Variants in SLIT1 observed in about 807,000 individuals in gnomAD.
SLIT1 encodes slit guidance ligand 1.
Under a neutral mutation model 186.1 loss-of-function variants are expected in SLIT1, and 66 were observed. The observed-to-expected ratio is 0.35, with a 90% CI of 0.29 to 0.44. The LOEUF is 0.44. SLIT1 is among the 20% of genes least tolerant of loss of function. The pLI is 1.00. For missense variants in SLIT1, 1,638 were observed against 2,037.4 expected, an observed-to-expected ratio of 0.80 and a Z score of 3.77; for synonymous variants, 761 against 833.8, an observed-to-expected ratio of 0.91 and a Z score of 1.50.
At chr10:97,079,549 T>C (rs1849082822) in intron 4 of SLIT1, among the ~76,000 whole-genome samples, 1 of 152,156 alleles carries the variant, frequency 6.6e-6, no homozygotes, top group Non-Finnish European at 1.5e-5. Context: ...AGGAGACAAA[T>C]GCAGAAAAAA....
intron 4 of SLIT1, among the ~76,000 whole-genome samples, chr10:97,111,255 C>A (rs1849461749): frequency 6.6e-6 from 1 of 151,614 alleles, no homozygotes; most frequent in South Asian, 2.1e-4. Context: ...CATCTGAAGG[C>A]AAAAAGGGAC....
chr10:97,036,977 A>C (rs925472252), intron 22 of SLIT1, among the ~76,000 whole-genome samples: 1 of 151,948 alleles, frequency 6.6e-6, no homozygotes, highest in East Asian at 1.9e-4. Context: ...GCTGAGCTGG[A>C]CCGAGAAGCT....
intron 22 of SLIT1, 128 bp from the exon 23 acceptor site, chr10:97,034,670 G>A (rs1171441569): frequency 6.6e-5 from 50 of 758,348 alleles, no homozygotes; most frequent in East Asian, 1.3e-4. Flanking sequence ...GGGTGGAGAG[G>A]AGCCCTGGTG....
intron 4 of SLIT1, among the ~76,000 whole-genome samples, chr10:97,107,264 G>A (rs1457419994): frequency 6.6e-6 from 1 of 152,246 alleles, no homozygotes; most frequent in Non-Finnish European, 1.5e-5. Flanking sequence ...TGGATGGAAT[G>A]GCACATGGCA....
In SLIT1 at chr10:97,035,909, C is replaced by T. The variant is rs926400676; in HGVS notation, c.2367-1367G>A. Among the ~76,000 whole-genome samples, 11 of 152,278 alleles carry T rather than the reference C, an allele frequency of 7.2e-5. 1 individual carries two copies. Among genetic ancestry groups the T allele is most frequent in the African/African-American group, 2.2e-4 (9 of 41,556 alleles). ...GAACTCCAGCTCGTGTTCCAAGATG[C>T]CCTCCCCGCAAGCCGCCTCCCTGAG... On this transcript the variant is annotated intron_variant, in intron 22 of 36. Transcript: ENST00000266058.
At chr10:97,116,912 C>T (rs376613736) in intron 4 of SLIT1, among the ~76,000 whole-genome samples, 2 of 152,178 alleles carry the variant, frequency 1.3e-5, no homozygotes, top group Non-Finnish European at 2.9e-5. Context: ...CCTCCTTCCA[C>T]CCGTCAGCTT....
chr10:97,050,161 A>T (rs986087208), intron 13 of SLIT1, among the ~76,000 whole-genome samples: 1 of 152,234 alleles, frequency 6.6e-6, no homozygotes, highest in Non-Finnish European at 1.5e-5. Flanking sequence ...AAAGGAAAAA[A>T]AAAGAAGTAC....
intron 12 of SLIT1, among the ~76,000 whole-genome samples, chr10:97,056,770 C>T (rs1288469181): frequency 1.3e-5 from 2 of 151,666 alleles, no homozygotes; most frequent in Non-Finnish European, 2.9e-5. Context: ...TTGGGGGGGG[C>T]TCCTCCTCCT....
intron 4 of SLIT1, among the ~76,000 whole-genome samples, chr10:97,119,701 G>T (rs1307243229): frequency 6.6e-6 from 1 of 151,278 alleles, no homozygotes; most frequent in Non-Finnish European, 1.5e-5. Flanking sequence ...CGGTGGGGAG[G>T]GTCCCGGTGG....
In SLIT1 at chr10:97,129,599, G is replaced by A. The variant is rs190827062; in HGVS notation, c.413+28219C>T. On this transcript the variant is annotated intron_variant, in intron 4 of 36. Coordinates refer to ENST00000266058, the MANE Select transcript of SLIT1 (RefSeq NM_003061.3). The stretch of plus-strand genomic sequence containing the variant: ...GAAACTGCAGAATGGCCTGAACCAG[G>A]GGAGAGAGGGTCATTTCCATGCTGC... 5.9e-5 allele frequency among the ~76,000 whole-genome samples: 9 copies of A among 152,210 alleles called. No individual in the cohort carries two copies. The East Asian group carries it at 1.7e-3, about 29-fold the overall frequency.
intron 1 of SLIT1, among the ~76,000 whole-genome samples, chr10:97,176,589 C>T (rs1850259539): frequency 6.6e-6 from 1 of 152,228 alleles, no homozygotes; most frequent in African/African-American, 2.4e-5. Flanking sequence ...CCTTCCGCTT[C>T]TCCCAGGAAA....
chr10:97,103,532 C>G (rs1453844095), intron 4 of SLIT1: 2 of 152,180 alleles, frequency 1.3e-5, no homozygotes, highest in South Asian at 2.1e-4. Flanking sequence ...CCCCAAACTG[C>G]CTAATTTTTA....
At chr10:97,075,151 G>C (rs1193403611) in intron 4 of SLIT1, among the ~76,000 whole-genome samples, 2 of 152,200 alleles carry the variant, frequency 1.3e-5, no homozygotes, top group African/African-American at 4.8e-5. Flanking sequence ...AGCCCGAGTG[G>C]TTACCTTGAA....
chr10:97,006,406 G>A lies in SLIT1; in HGVS notation c.3579+77C>T, dbSNP rs1418392709. The A allele has an allele frequency of 3.1e-6, 3 of 971,570 alleles. No individual in the cohort carries two copies. The highest frequency in any genetic ancestry group is 3.7e-5 in the Admixed American group (2 of 54,056). The allele number at this position is 971,570 out of a possible 1,614,324, so 60.2% of individuals were successfully genotyped here. On this transcript the variant is annotated intron_variant, in intron 32 of 36. Transcript: ENST00000266058. The surrounding 1 kb of genome is among the most constrained non-coding windows in gnomAD (Gnocchi z 4.0). ...AGTTCCCCAGGCACCATGCAGGGAT[G>A]TATCCTGATGCTCTGGCCTAAGCCA... is the stretch of plus-strand genomic sequence containing the variant.
intron 25 of SLIT1, among the ~76,000 whole-genome samples, chr10:97,025,655 C>T (rs1848538628): frequency 6.6e-6 from 1 of 152,138 alleles, no homozygotes; most frequent in African/African-American, 2.4e-5. Context: ...CAGGCCACGC[C>T]AATCCAAAAG....
chr10:97,185,735 C>G lies in SLIT1; in HGVS notation c.-61G>C. The G allele has an allele frequency of 3.6e-6, 5 of 1,371,604 alleles. No individual in the cohort carries two copies. The highest frequency in any genetic ancestry group is 3.8e-6 in the Non-Finnish European group (4 of 1,054,182). The allele number at this position is 1,371,604 out of a possible 1,614,324, so 85.0% of individuals were successfully genotyped here. A position where few individuals can be genotyped will look rare whatever the true frequency, so the allele number is the denominator to read the frequency against. ...GCAGCAGCCGCTGACCATCCCCGTC[C>G]GGGGCCGCCTCCAGGTGCAGTCCCG... On this transcript the variant is annotated 5_prime_UTR_variant, in exon 1 of 37. Transcript: ENST00000266058.
At chr10:97,093,117 G>GA (rs1460412666) in intron 4 of SLIT1, among the ~76,000 whole-genome samples, 2 of 152,168 alleles carry the variant, frequency 1.3e-5, no homozygotes, top group African/African-American at 4.8e-5. Context: ...AGAGGAAAGA[G>GA]AAAAAAACTG....
chr10:97,034,689 C>T (rs549739650), intron 22 of SLIT1, 147 bp from the exon 23 acceptor site: 30 of 677,070 alleles, frequency 4.4e-5, no homozygotes, highest in South Asian at 6.4e-5. Flanking sequence ...TGCACAGCCT[C>T]GGGTCTCAGC....
intron 3 of SLIT1, among the ~76,000 whole-genome samples, chr10:97,158,229 T>C (rs1481077981): frequency 6.6e-6 from 1 of 152,206 alleles, no homozygotes; most frequent in African/African-American, 2.4e-5. Flanking sequence ...CAATGCTGTT[T>C]CCCTTTGTGA....
Sources: gnomAD v4.1 joint callset for allele counts (sites outside exome capture counted in the v4.1 genomes callset) on GRCh38, gnomAD v4.1.1 for gene constraint, Gnocchi (gnomAD v3.1) non-coding constraint, MANE v1.5 for transcripts, NCBI Gene and HGNC (gene_info 2026-07-23, HGNC 2026-07-21) for gene names.